The following TAFA1 variants were observed in gnomAD, a reference collection of about 807,000 sequenced individuals.
TAFA1 encodes TAFA chemokine like family member 1.
Under a neutral mutation model 18.5 loss-of-function variants are expected in TAFA1, and 4 were observed. The ratio of observed to expected loss-of-function variants is 0.22; its 90% CI spans 0.11 to 0.49. The LOEUF (loss-of-function observed/expected upper bound fraction) is 0.49. Ranked by LOEUF, TAFA1 falls within the 20% of genes least tolerant of loss-of-function variation. The pLI is 0.98. For synonymous variants in TAFA1, 56 were observed against 55.2 expected, an observed-to-expected ratio of 1.01 and a Z score of -0.06; for missense variants, 147 against 169.0, an observed-to-expected ratio of 0.87 and a Z score of 0.72.
intron 2 of TAFA1, among the ~76,000 whole-genome samples, chr3:68,187,913 G>T (rs1274452889): frequency 6.6e-6 from 1 of 151,914 alleles, no homozygotes; most frequent in African/African-American, 2.4e-5. Flanking sequence ...AATTACTAAT[G>T]AAGTTGAGCA....
intron 2 of TAFA1, among the ~76,000 whole-genome samples, chr3:68,326,228 T>C (rs1026417703): frequency 6.6e-6 from 1 of 152,234 alleles, no homozygotes; most frequent in Non-Finnish European, 1.5e-5. Context: ...ATTTCCTTTT[T>C]ACTGATACTA....
intron 2 of TAFA1, among the ~76,000 whole-genome samples, chr3:68,285,907 A>G (rs1355503947): frequency 1.3e-5 from 2 of 152,182 alleles, no homozygotes; most frequent in African/African-American, 4.8e-5. Context: ...AGACTGAAAC[A>G]TTCAGCACAA....
intron 2 of TAFA1, among the ~76,000 whole-genome samples, chr3:68,281,083 T>C (rs550526329): frequency 6.6e-6 from 1 of 152,308 alleles, no homozygotes; most frequent in South Asian, 2.1e-4. Flanking sequence ...AAGAAATCCA[T>C]TAAATTTCTA....
intron 2 of TAFA1, among the ~76,000 whole-genome samples, chr3:68,048,203 A>C (rs1575590642): frequency 6.6e-6 from 1 of 152,234 alleles, no homozygotes; most frequent in South Asian, 2.1e-4. Context: ...TATAATATCT[A>C]TGATTATAAG....
intron 3 of TAFA1, among the ~76,000 whole-genome samples, chr3:68,419,743 G>A (rs1309750627): frequency 1.3e-5 from 2 of 152,140 alleles, no homozygotes; most frequent in Admixed American, 1.3e-4. Context: ...TTCATGTTAT[G>A]TATTTTCATT....
chr3:68,263,099 T>C (rs1403859743), intron 2 of TAFA1, among the ~76,000 whole-genome samples: 1 of 152,108 alleles, frequency 6.6e-6, no homozygotes, highest in Non-Finnish European at 1.5e-5. Context: ...TTTGATTTTA[T>C]TCAGAAATAT....
intron 2 of TAFA1, among the ~76,000 whole-genome samples, chr3:68,013,604 T>C (rs1381141971): frequency 7.9e-5 from 12 of 152,138 alleles, no homozygotes; most frequent in Non-Finnish European, 2.9e-5. Context: ...AATCTTTTGA[T>C]ATCAAGAGAA....
At chr3:68,468,794 A>T (rs751656940) in intron 3 of TAFA1, among the ~76,000 whole-genome samples, 8 of 152,228 alleles carry the variant, frequency 5.3e-5, no homozygotes. Flanking sequence ...AGCTACATCC[A>T]ACTTGAAGCC....
At chr3:68,014,718 C>A (rs1039299951) in intron 2 of TAFA1, among the ~76,000 whole-genome samples, 2 of 152,128 alleles carry the variant, frequency 1.3e-5, no homozygotes, top group African/African-American at 2.4e-5. Flanking sequence ...TGTAAAAAAG[C>A]ATTCTGCTAA....
At chr3:68,123,336 C>G (rs1372022632) in intron 2 of TAFA1, among the ~76,000 whole-genome samples, 1 of 151,994 alleles carries the variant, frequency 6.6e-6, no homozygotes, top group African/African-American at 2.4e-5. Context: ...TCTCAAAGTA[C>G]CTGGGGAGGA....
rs548788641 is a variant in TAFA1, at chr3:68,052,181, T to C, written c.118+45437T>C. Among the ~76,000 whole-genome samples the C allele has an allele frequency of 3.3e-5, 5 of 152,290 alleles. 2 individuals are homozygous for C. The highest frequency in any genetic ancestry group is 1.2e-4 in the African/African-American group (5 of 41,592). On this transcript the variant is annotated intron_variant, in intron 2 of 4. Coordinates refer to ENST00000478136, the MANE Select transcript of TAFA1 (RefSeq NM_213609.4). ...TTCACCACACTGGAGTGATTGTTAA[T>C]AGCTCTTTGCTGTCAAGAAACCACC...
At chr3:68,331,211 A>G (rs1873595) in intron 2 of TAFA1, among the ~76,000 whole-genome samples, 6,545 of 152,266 alleles carry the variant, frequency 0.043, 357 homozygotes, top group East Asian at 0.17. Context: ...GTATGATTCT[A>G]TTTATATTAA....
intron 3 of TAFA1, among the ~76,000 whole-genome samples, chr3:68,464,898 T>C (rs976923950): frequency 2.0e-5 from 3 of 152,134 alleles, no homozygotes; most frequent in African/African-American, 4.8e-5. Flanking sequence ...AGAGATACTT[T>C]AACTGCTGAG....
At chr3:68,272,774 C>T (rs2067700643) in intron 2 of TAFA1, among the ~76,000 whole-genome samples, 1 of 152,134 alleles carries the variant, frequency 6.6e-6, no homozygotes, top group African/African-American at 2.4e-5. Context: ...CAAGCCAAAG[C>T]TAACCTTAAA....
chr3:67,995,095 C>G, the TAFA1 span, among the ~76,000 whole-genome samples: 1 of 152,106 alleles, frequency 6.6e-6, no homozygotes. Flanking sequence ...TAGCTATTAT[C>G]GTACCAAGCA....
At chr3:68,237,134 C>T (rs1373013935) in intron 2 of TAFA1, among the ~76,000 whole-genome samples, 1 of 152,184 alleles carries the variant, frequency 6.6e-6, no homozygotes, top group African/African-American at 2.4e-5. Flanking sequence ...AAATGTATTT[C>T]TCAAGGTTCT....
chr3:68,361,869 A>G (rs2069474732), intron 2 of TAFA1, among the ~76,000 whole-genome samples: 1 of 152,088 alleles, frequency 6.6e-6, no homozygotes. Flanking sequence ...TGAGAGGGTA[A>G]TGAATTTACT....
intron 2 of TAFA1, among the ~76,000 whole-genome samples, chr3:68,307,315 A>G (rs2068439268): frequency 1.3e-5 from 2 of 152,198 alleles, no homozygotes; most frequent in Admixed American, 1.3e-4. Flanking sequence ...TATTTGCTCA[A>G]TCTTGGGATT....
chr3:68,539,401 T>A (rs28435803), intron 4 of TAFA1, among the ~76,000 whole-genome samples: 1 of 151,510 alleles, frequency 6.6e-6, no homozygotes, highest in African/African-American at 2.4e-5. Context: ...TAAATAACAA[T>A]CTTCAGGGTG....
Sources: gnomAD v4.1 joint callset for allele counts (sites outside exome capture counted in the v4.1 genomes callset) on GRCh38, gnomAD v4.1.1 for gene constraint, MANE v1.5 for transcripts, NCBI Gene and HGNC (gene_info 2026-07-23, HGNC 2026-07-21) for gene names.